Variants in TRPM6 observed in about 807,000 individuals in gnomAD.
TRPM6 encodes transient receptor potential cation channel subfamily M member 6.
In TRPM6, 111 loss-of-function variants were observed where a neutral mutation model predicts 247.6. The ratio of observed to expected loss-of-function variants is 0.45; its 90% CI spans 0.38 to 0.52. The LOEUF (loss-of-function observed/expected upper bound fraction) is 0.52. TRPM6 is among the 20% of genes least tolerant of loss of function. The pLI is 0.00. For missense variants in TRPM6, 2,126 were observed against 2,421.5 expected (o/e 0.88, Z 2.56); for synonymous variants, 892 against 853.8 (o/e 1.04, Z -0.78).
At chr9:74,739,610 AAATAAT>A in intron 34 of TRPM6, 107 bp downstream of exon 34, 2 of 1,549,636 alleles carry the variant, frequency 1.3e-6, no homozygotes, top group Non-Finnish European at 1.8e-6. Context: ...TACCTCTAAA[AAATAAT>A]AGGCTCCCCT....
chr9:74,821,886 A>C, intron 7 of TRPM6, 49 bp from the exon 8 acceptor site: 4 of 1,609,074 alleles, frequency 2.5e-6, no homozygotes, highest in South Asian at 1.1e-5. Flanking sequence ...TCCCTAGCTC[A>C]GCCAGTCGGC....
At chr9:74,864,580 G>C (rs1000167427) in intron 1 of TRPM6, among the ~76,000 whole-genome samples, 4 of 152,170 alleles carry the variant, frequency 2.6e-5, no homozygotes, top group African/African-American at 9.7e-5. Context: ...AGAACACAAA[G>C]TAACCTTACA....
intron 1 of TRPM6, chr9:74,887,216 G>T: frequency 8.0e-7 from 1 of 1,257,672 alleles, no homozygotes; most frequent in Non-Finnish European, 1.0e-6. Flanking sequence ...GGACTGCGGC[G>T]GGGCGGGTGT....
rs560973039 is a variant in TRPM6 at position 74,779,204 on chromosome 9, G to C, written c.3210-3128C>G. Among the ~76,000 whole-genome samples the C allele has an allele frequency of 3.9e-5, 6 of 152,234 alleles. No individual in the cohort carries two copies. The South Asian group carries it at 1.2e-3, about 32-fold the overall frequency. The stretch of plus-strand genomic sequence containing the variant: ...AGGTGGGAGGATTGCTTGAACCAGG[G>C]AGGCGGAGGTTGCAGTGAACTGAGA... On this transcript the variant is annotated intron_variant, in intron 23 of 38. Coordinates refer to ENST00000360774, the MANE Select transcript of TRPM6 (RefSeq NM_017662.5).
At chr9:74,841,817 T>A (rs1829947524) in intron 4 of TRPM6, among the ~76,000 whole-genome samples, 1 of 152,242 alleles carries the variant, frequency 6.6e-6, no homozygotes, top group Admixed American at 6.5e-5. Flanking sequence ...AACTTCTTGA[T>A]ACATAATTCC....
rs1362478398 is a variant in TRPM6 at position 74,724,347 on chromosome 9, C to T, written c.*266G>A. ...TGACCAGCTAAAGCAATGAGGTACA[C>T]AAGAACAATATTCCCAGCTGACTCA... is the stretch of plus-strand genomic sequence containing the variant. On this transcript the variant is annotated 3_prime_UTR_variant, in exon 39 of 39. Transcript: ENST00000360774. The T allele has an allele frequency of 1.8e-5, 9 of 514,218 alleles. No individual in the cohort carries two copies. In the East Asian group the frequency reaches 3.3e-4, roughly 19 times the overall value. The allele number at this position is 514,218 out of a possible 1,614,324, so 31.9% of individuals were successfully genotyped here. A position where few individuals can be genotyped will look rare whatever the true frequency, so the allele number is the denominator to read the frequency against.
chr9:74,827,568 C>T (rs375696901), intron 7 of TRPM6: 3 of 676,080 alleles, frequency 4.4e-6, no homozygotes, highest in African/African-American at 1.8e-5. Flanking sequence ...AGGATGAAGA[C>T]TTTAGTGGAT....
intron 14 of TRPM6, chr9:74,804,516 G>A: frequency 1.4e-6 from 1 of 716,296 alleles, no homozygotes; most frequent in Non-Finnish European, 2.6e-6. Context: ...TGAAGAGATT[G>A]AAAAAGAAGA....
intron 24 of TRPM6, among the ~76,000 whole-genome samples, chr9:74,774,874 T>C (rs1418019169): frequency 6.6e-6 from 1 of 152,208 alleles, no homozygotes; most frequent in African/African-American, 2.4e-5. Flanking sequence ...TCATCAGCCT[T>C]TTTTGGCCAA....
chr9:74,738,674 T>G, intron 35 of TRPM6, 62 bp from the exon 36 acceptor site: 1 of 1,422,850 alleles, frequency 7.0e-7, no homozygotes, highest in Non-Finnish European at 9.9e-7. Context: ...CTTACCTTAC[T>G]GAGCAGTCAT....
intron 3 of TRPM6, 32 bp from the exon 4 acceptor site, chr9:74,842,375 T>A (rs1361803669): frequency 1.2e-6 from 2 of 1,611,520 alleles, no homozygotes; most frequent in Admixed American, 3.3e-5. Context: ...AAACTCAACT[T>A]CAAAATAGAA....
intron 4 of TRPM6, among the ~76,000 whole-genome samples, chr9:74,841,923 C>T (rs188827658): frequency 3.9e-4 from 60 of 152,166 alleles, no homozygotes; most frequent in African/African-American, 1.4e-3. Context: ...CAGGCAGAAA[C>T]CTGTTAGTAG....
intron 36 of TRPM6, chr9:74,737,347 A>G (rs1825727079): frequency 1.6e-6 from 2 of 1,283,510 alleles, no homozygotes; most frequent in South Asian, 2.5e-5. Flanking sequence ...AGTACTTTGC[A>G]GTCTTACCGG....
At chr9:74,732,799 AAAT>A (rs1825567423) in intron 36 of TRPM6, 63 bp from the exon 37 acceptor site, 1 of 1,202,258 alleles carries the variant, frequency 8.3e-7, no homozygotes, top group Non-Finnish European at 1.2e-6. Flanking sequence ...AAATTCAAGA[AAAT>A]AATAATTAAA....
At chr9:74,831,471 C>T (rs544971183) in intron 6 of TRPM6, among the ~76,000 whole-genome samples, 1 of 152,160 alleles carries the variant, frequency 6.6e-6, no homozygotes, top group South Asian at 2.1e-4. Context: ...GCCTGGGCAA[C>T]ACAGCAAGAC....
At chr9:74,842,757 T>C (rs1829985265) in intron 3 of TRPM6, among the ~76,000 whole-genome samples, 1 of 152,234 alleles carries the variant, frequency 6.6e-6, no homozygotes, top group African/African-American at 2.4e-5. Context: ...CATAACTTAA[T>C]TAAAATAATT....
At position 74,775,939 on chromosome 9, in the gene TRPM6, C is replaced by T. The variant is rs376003448; in HGVS notation, c.3347G>A (p.Arg1116His). 17 of 1,613,986 alleles carry T rather than the reference C, an allele frequency of 1.1e-5. No individual in the cohort carries two copies. Among genetic ancestry groups the T allele is most frequent in the African/African-American group, 2.7e-5 (2 of 74,906 alleles). The change falls in exon 24 of 39, where the codon CGC (arginine) becomes CAC (histidine). Residue 1116 changes from arginine to histidine, a missense_variant. Arg to His is a conservative substitution (Grantham distance 29, BLOSUM62 0). Around this residue, in one of 3 missense-constraint regions of TRPM6, gnomAD observed 717 missense variants for 715.9 expected, o/e 1.00. Transcript: ENST00000360774. The stretch of plus-strand genomic sequence containing the variant: ...AGGAGCTCGATGACAGCACAGGCGG[C>T]GGAGGAGAAGGCCCACGTGGCTCAG... ...ILLSHVGLLLRRLCCHRAPHD... is the reference protein window; with the variant it reads ...ILLSHVGLLLHRLCCHRAPHD...
At chr9:74,780,408 C>T (rs892108296) in intron 23 of TRPM6, among the ~76,000 whole-genome samples, 5 of 150,998 alleles carry the variant, frequency 3.3e-5, no homozygotes, top group Admixed American at 1.3e-4. Flanking sequence ...GAGCTGAGAT[C>T]GTGCCATTGC....
At chr9:74,850,320 C>T (rs971386678) in intron 3 of TRPM6, among the ~76,000 whole-genome samples, 3 of 151,934 alleles carry the variant, frequency 2.0e-5, no homozygotes, top group Admixed American at 2.0e-4. Context: ...TATAGTGAGG[C>T]GAGATTGGGC....
Sources: gnomAD v4.1 joint callset for allele counts (sites outside exome capture counted in the v4.1 genomes callset) on GRCh38, gnomAD v4.1.1 for gene constraint, gnomAD v4.1.1 regional missense constraint, MANE v1.5 for transcripts, NCBI Gene and HGNC (gene_info 2026-07-23, HGNC 2026-07-21) for gene names.